Variants in SETD3 observed in about 807,000 individuals in gnomAD.
SETD3 encodes actin-histidine N-methyltransferase.
Under a neutral mutation model 63.0 loss-of-function variants are expected in SETD3, and 19 were observed. The ratio of observed to expected loss-of-function variants is 0.30; its 90% confidence interval spans 0.21 to 0.44. The LOEUF is 0.44. Ranked by LOEUF, SETD3 falls within the 20% of genes least tolerant of loss-of-function variation. The probability of loss-of-function intolerance (pLI) is 1.00; values close to 1 mark genes in which losing one functional copy is unlikely to be tolerated. For synonymous variants in SETD3, 286 were observed against 264.1 expected, an observed-to-expected ratio of 1.08 and a Z score of -0.80; for missense variants, 587 against 728.5, an observed-to-expected ratio of 0.81 and a Z score of 2.24.
In SETD3 at chr14:99,425,481, G is replaced by C. The variant is rs535368299; in HGVS notation, c.676-11547C>G. ...GCCAGCTCTGAACCTGGAAGACCTG[G>C]AGCAAGTGCCTAAGGTTTCTGTGCT... On this transcript the variant is annotated intron_variant, in intron 6 of 12. Transcript: ENST00000331768. 4.3e-3 allele frequency among the ~76,000 whole-genome samples: 655 copies of C among 152,362 alleles called. 5 individuals are homozygous for C. Among genetic ancestry groups the C allele is most frequent in the African/African-American group, 0.015 (620 of 41,588 alleles).
At chr14:99,410,101 T>C (rs1442845006) in intron 8 of SETD3, 3 of 1,023,798 alleles carry the variant, frequency 2.9e-6, no homozygotes, top group East Asian at 2.4e-5. Context: ...TCATTCCACA[T>C]AGGGTGCTCA....
At chr14:99,472,095 C>T (rs547471175) in intron 1 of SETD3, among the ~76,000 whole-genome samples, 2 of 152,360 alleles carry the variant, frequency 1.3e-5, no homozygotes, top group Admixed American at 6.5e-5. Flanking sequence ...AGCTGCACAA[C>T]GTCTCTCTGC....
At chr14:99,445,600 A>G (rs773010755) in intron 6 of SETD3, among the ~76,000 whole-genome samples, 8 of 152,260 alleles carry the variant, frequency 5.3e-5, no homozygotes, top group Admixed American at 6.5e-5. Flanking sequence ...TAAACCATTA[A>G]GAGCAGAAGA....
intron 6 of SETD3, among the ~76,000 whole-genome samples, chr14:99,451,164 A>G (rs1389197919): frequency 1.3e-5 from 2 of 152,208 alleles, no homozygotes; most frequent in Non-Finnish European, 2.9e-5. Context: ...CTACTTTTCC[A>G]CTTATTTCTA....
At chr14:99,481,781 G>T (rs1331873987), upstream of SETD3, among the ~76,000 whole-genome samples, 1 of 152,248 alleles carries the variant, frequency 6.6e-6, no homozygotes, top group African/African-American at 2.4e-5. Context: ...TGGGCAAAAG[G>T]GGCAGCGGTG....
chr14:99,403,713 CT>C (rs1173035170), intron 11 of SETD3, among the ~76,000 whole-genome samples: 2 of 152,206 alleles, frequency 1.3e-5, no homozygotes, highest in Non-Finnish European at 2.9e-5. Flanking sequence ...TACACAGATT[CT>C]GTTTGCAATG....
Position 99,398,898 on chromosome 14 carries a change from G to A in SETD3, c.1566C>T (p.Val522=), listed in dbSNP as rs771494362. 5 of 1,614,124 alleles carry A rather than the reference G, an allele frequency of 3.1e-6. No homozygotes were observed. In the South Asian group the frequency reaches 5.5e-5, roughly 18 times the overall value. ...SSVGDSRLPL[V]LRNLEEEAGV... ...CAGCCTCCTCCTCGAGGTTTCTCAA[G>A]ACCAGGGGGAGCCTCGAGTCCCCCA... Residue 522 remains valine, a synonymous_variant, in exon 13 of 13, where the codon GTC becomes GTT. Coordinates refer to ENST00000331768, the MANE Select transcript of SETD3 (RefSeq NM_032233.3).
intron 11 of SETD3, among the ~76,000 whole-genome samples, chr14:99,402,683 C>A (rs1891449035): frequency 6.6e-6 from 1 of 152,180 alleles, no homozygotes; most frequent in African/African-American, 2.4e-5. Flanking sequence ...CTCAAACAAT[C>A]CTCCTACCTC....
At chr14:99,482,839 A>G (rs1896385678), upstream of SETD3, among the ~76,000 whole-genome samples, 2 of 141,496 alleles carry the variant, frequency 1.4e-5, no homozygotes, top group Admixed American at 1.5e-4. Context: ...ATTTCAGGAC[A>G]TTATATTTGA....
At chr14:99,485,106 C>T (rs955765854), upstream of SETD3, among the ~76,000 whole-genome samples, 1 of 152,140 alleles carries the variant, frequency 6.6e-6, no homozygotes, top group Non-Finnish European at 1.5e-5. Context: ...GGGAGTTCTA[C>T]GATTTTGAGG....
chr14:99,443,009 G>A (rs188970239), intron 6 of SETD3, among the ~76,000 whole-genome samples: 5 of 152,282 alleles, frequency 3.3e-5, no homozygotes, highest in Non-Finnish European at 7.4e-5. Flanking sequence ...ATTTGCCTTG[G>A]CCAAGCCACC....
intron 2 of SETD3, among the ~76,000 whole-genome samples, chr14:99,465,028 C>T (rs547925736): frequency 6.6e-6 from 1 of 152,228 alleles, no homozygotes; most frequent in African/African-American, 2.4e-5. Context: ...CCCAGCTACT[C>T]AGGAGAATGA....
intron 1 of SETD3, among the ~76,000 whole-genome samples, chr14:99,474,326 A>G (rs1030832375): frequency 6.6e-6 from 1 of 152,134 alleles, no homozygotes; most frequent in Non-Finnish European, 1.5e-5. Flanking sequence ...CTCTGTTTCA[A>G]AAATAAATAA....
At chr14:99,470,698 G>A (rs2139809209) in intron 1 of SETD3, among the ~76,000 whole-genome samples, 2 of 152,294 alleles carry the variant, frequency 1.3e-5, no homozygotes, top group Middle Eastern at 3.4e-3. Context: ...CTCGGTACCA[G>A]TTCTGTAACC....
chr14:99,438,142 G>C (rs1027854158), intron 6 of SETD3, among the ~76,000 whole-genome samples: 3 of 152,202 alleles, frequency 2.0e-5, no homozygotes, highest in African/African-American at 7.2e-5. Flanking sequence ...AAACTCATTA[G>C]AGCTGGTCTT....
At chr14:99,444,314 T>G (rs1894006418) in intron 6 of SETD3, 1 of 152,184 alleles carries the variant, frequency 6.6e-6, no homozygotes, top group South Asian at 2.1e-4. Context: ...CCATGCTCGC[T>G]TAGGCAGCAC....
At chr14:99,441,583 A>G (rs543534819) in intron 6 of SETD3, among the ~76,000 whole-genome samples, 9 of 152,382 alleles carry the variant, frequency 5.9e-5, no homozygotes, top group African/African-American at 2.2e-4. Flanking sequence ...CACGGTCAGA[A>G]GAGACTCTAT....
intron 6 of SETD3, among the ~76,000 whole-genome samples, chr14:99,447,485 AG>A (rs1490598070): frequency 6.6e-6 from 1 of 152,258 alleles, no homozygotes; most frequent in Non-Finnish European, 1.5e-5. Flanking sequence ...GTTTAGAATG[AG>A]TAATTTACAA....
chr14:99,402,782 T>G (rs138480202), intron 11 of SETD3, among the ~76,000 whole-genome samples: 1 of 152,308 alleles, frequency 6.6e-6, no homozygotes, highest in African/African-American at 2.4e-5. Flanking sequence ...ATCAGTAAAA[T>G]GGGAGCACTT....
Sources: allele counts gnomAD v4.1 joint callset (sites outside exome capture counted in the v4.1 genomes callset), GRCh38; gene constraint gnomAD v4.1.1; transcripts MANE v1.5; gene names NCBI Gene and HGNC (gene_info 2026-07-23, HGNC 2026-07-21).